The following NRL variants were observed in gnomAD, a reference collection of about 807,000 sequenced individuals.
NRL encodes the protein neural retina-specific leucine zipper protein.
NRL carries 16 observed loss-of-function variants against 12.5 expected under a neutral mutation model. The observed-to-expected ratio is 1.28, with a 90% CI of 0.87 to 1.95. The LOEUF (loss-of-function observed/expected upper bound fraction) is 1.95, where lower values mean the gene tolerates loss of function less well. NRL is among the 30% of genes most tolerant of loss of function. The pLI is 0.00. For synonymous variants in NRL, 142 were observed against 150.9 expected, an observed-to-expected ratio of 0.94 and a Z score of 0.43; for missense variants, 314 against 325.8, an observed-to-expected ratio of 0.96 and a Z score of 0.28.
Position 24,082,851 on chromosome 14 carries a change from T to C in NRL, c.-3A>G. 2 of 1,610,750 alleles carry C rather than the reference T, an allele frequency of 1.2e-6. No homozygotes were observed. Among genetic ancestry groups the C allele is most frequent in the Non-Finnish European group, 1.7e-6 (2 of 1,177,876 alleles). ...AGGGGGCTGGGGGGCAGGGCCATTCTGGAGCTGGGCTGGGAGGAGTGCACC... is the reference window on the plus strand; with the variant it reads ...AGGGGGCTGGGGGGCAGGGCCATTCCGGAGCTGGGCTGGGAGGAGTGCACC... On this transcript the variant is annotated 5_prime_UTR_variant, in exon 2 of 3. Coordinates refer to ENST00000561028, the MANE Select transcript of NRL (RefSeq NM_001354768.3).
At position 24,094,739 on chromosome 14, in the gene NRL, C is replaced by G; in HGVS notation, c.-27-11864G>C. Reference sequence around the variant, plus strand: ...CTCGCTCCTCTCTGCTGAGCCAGGTCTCCGCATATCCTCCTTTCCTTCCCA... The same window carrying G: ...CTCGCTCCTCTCTGCTGAGCCAGGTGTCCGCATATCCTCCTTTCCTTCCCA... On this transcript the variant is annotated intron_variant, in intron 1 of 2. Transcript: ENST00000561028. This position sits in a 1 kb window ranked among gnomAD's most constrained non-coding sequence, Gnocchi z 4.1. The G allele has an allele frequency of 1.4e-6, 2 of 1,479,432 alleles. No individual in the cohort carries two copies. The highest frequency in any genetic ancestry group is 1.8e-6 in the Non-Finnish European group (2 of 1,110,940). 91.6% of individuals were successfully genotyped at this position (1,479,432 alleles called of 1,614,324 possible).
chr14:24,082,890 A>G lies in NRL; in HGVS notation c.-27-15T>C, dbSNP rs1415190457. On this transcript the variant is annotated splice_polypyrimidine_tract_variant and intron_variant, in intron 1 of 2. Transcript: ENST00000561028. ...GAGGAGTGCACCTGCAAAGAGGAGG[A>G]GAGGTCTGGAGCACATGGAGGCCAC... 2 of 1,583,846 alleles carry G rather than the reference A, an allele frequency of 1.3e-6. No individual in the cohort carries two copies. Among genetic ancestry groups the G allele is most frequent in the Non-Finnish European group, 1.7e-6 (2 of 1,163,984 alleles).
chr14:24,094,489 C>G lies in NRL; in HGVS notation c.-27-11614G>C. On this transcript the variant is annotated intron_variant, in intron 1 of 2. Coordinates refer to ENST00000561028, the MANE Select transcript of NRL (RefSeq NM_001354768.3). This position sits in a 1 kb window ranked among gnomAD's most constrained non-coding sequence, Gnocchi z 4.1. ...GCACCTTCCGCTGCGCTCGCCCCCTCGGGGCTGCCAGTGGCGCTCTCCTGC... is the reference window on the plus strand; with the variant it reads ...GCACCTTCCGCTGCGCTCGCCCCCTGGGGGCTGCCAGTGGCGCTCTCCTGC... 6.7e-7 allele frequency: 1 copy of G among 1,482,042 alleles called. No homozygotes were observed. The highest frequency in any genetic ancestry group is 8.9e-7 in the Non-Finnish European group (1 of 1,123,790). The allele number at this position is 1,482,042 out of a possible 1,614,324, so 91.8% of individuals were successfully genotyped here. A position where few individuals can be genotyped will look rare whatever the true frequency, so the allele number is the denominator to read the frequency against.
At chr14:24,084,477 AG>A (rs1183899710) in intron 1 of NRL, 2 of 903,192 alleles carry the variant, frequency 2.2e-6, no homozygotes, top group African/African-American at 3.6e-5. Context: ...AGGGGGTTCT[AG>A]GTGAGCGGCC....
In NRL at chr14:24,103,237, G is replaced by A. The variant is rs2037237191; in HGVS notation, c.-28+11485C>T. ...CAGCGCCATGCGCTCTGAGTCCACT[G>A]CTGCAGCAGAACACAAAGGTGAGCA... On this transcript the variant is annotated intron_variant, in intron 1 of 2. Coordinates refer to ENST00000561028, the MANE Select transcript of NRL (RefSeq NM_001354768.3). 1.9e-6 allele frequency: 3 copies of A among 1,613,588 alleles called. No individual in the cohort carries two copies. In the South Asian group the frequency reaches 3.3e-5, roughly 18 times the overall value.
chr14:24,111,668 ATTT>A (rs1180604163), intron 1 of NRL, among the ~76,000 whole-genome samples: 2 of 151,958 alleles, frequency 1.3e-5, no homozygotes, highest in Non-Finnish European at 2.9e-5. Context: ...CGCCCGGCCA[ATTT>A]TTTTAAAAAA....
At chr14:24,088,608 G>T (rs945334953) in intron 1 of NRL, among the ~76,000 whole-genome samples, 1 of 151,566 alleles carries the variant, frequency 6.6e-6, no homozygotes, top group Non-Finnish European at 1.5e-5. Flanking sequence ...CAAGGTAGAA[G>T]AACAGAATAT....
chr14:24,098,725 C>T (rs1028350353), intron 1 of NRL: 17 of 1,524,968 alleles, frequency 1.1e-5, no homozygotes, highest in Non-Finnish European at 1.2e-5. Flanking sequence ...CCTTCTTGTA[C>T]TCAGAGGAAA....
chr14:24,101,184 T>C (rs2037146859), intron 1 of NRL, among the ~76,000 whole-genome samples: 1 of 152,222 alleles, frequency 6.6e-6, no homozygotes. Flanking sequence ...CACAGGCTAG[T>C]TCCCCAACCC....
At position 24,079,968 on chromosome 14, in the gene NRL, A is replaced by C. The variant is rs1004774741; in HGVS notation, c.*1268T>G. 6 of 151,408 alleles carry C rather than the reference A, an allele frequency of 4.0e-5. No homozygotes were observed. The highest frequency in any genetic ancestry group is 2.0e-4 in the Admixed American group (3 of 15,202). 9.4% of individuals were successfully genotyped at this position (151,408 alleles called of 1,614,324 possible). A position where few individuals can be genotyped will look rare whatever the true frequency, so the allele number is the denominator to read the frequency against. On this transcript the variant is annotated 3_prime_UTR_variant, in exon 3 of 3. Coordinates refer to ENST00000561028, the MANE Select transcript of NRL (RefSeq NM_001354768.3). ...CATCTGTTCCAATGCCTGCCCCTCCACCCCATTTCCATTGGCTCTCCATAA... is the reference window on the plus strand; with the variant it reads ...CATCTGTTCCAATGCCTGCCCCTCCCCCCCATTTCCATTGGCTCTCCATAA...
chr14:24,092,594 T>A (rs746321728), intron 1 of NRL, among the ~76,000 whole-genome samples: 2 of 152,156 alleles, frequency 1.3e-5, no homozygotes, highest in Non-Finnish European at 2.9e-5. Flanking sequence ...TTTGGATCTA[T>A]GAACTGGGGG....
chr14:24,094,487 C>A lies in NRL; in HGVS notation c.-27-11612G>T. On this transcript the variant is annotated intron_variant, in intron 1 of 2. Transcript: ENST00000561028. The surrounding 1 kb of genome is among the most constrained non-coding windows in gnomAD (Gnocchi z 4.1). ...CCGCACCTTCCGCTGCGCTCGCCCC[C>A]TCGGGGCTGCCAGTGGCGCTCTCCT... is the stretch of plus-strand genomic sequence containing the variant. 6.7e-7 allele frequency: 1 copy of A among 1,483,818 alleles called. No homozygotes were observed. The highest frequency in any genetic ancestry group is 1.3e-5 in the South Asian group (1 of 76,332). The allele number at this position is 1,483,818 out of a possible 1,614,324, so 91.9% of individuals were successfully genotyped here. A position where few individuals can be genotyped will look rare whatever the true frequency, so the allele number is the denominator to read the frequency against.
intron 2 of NRL, 86 bp downstream of exon 2, chr14:24,082,382 A>G: frequency 6.4e-7 from 1 of 1,551,726 alleles, no homozygotes; most frequent in Non-Finnish European, 8.9e-7. Flanking sequence ...CCAGTCCATA[A>G]CCCCCTCTGG....
At chr14:24,097,754 C>G (rs1013367178) in intron 1 of NRL, among the ~76,000 whole-genome samples, 7 of 151,924 alleles carry the variant, frequency 4.6e-5, no homozygotes, top group African/African-American at 1.7e-4. Context: ...CCACCACACC[C>G]AGCTGATTTT....
intron 1 of NRL, chr14:24,099,843 T>G: frequency 4.6e-6 from 7 of 1,529,888 alleles, no homozygotes; most frequent in Non-Finnish European, 6.3e-6. Flanking sequence ...CCTGCTCCAT[T>G]CCTCTGGCAG....
chr14:24,081,180 C>G lies in NRL; in HGVS notation c.*56G>C. On this transcript the variant is annotated 3_prime_UTR_variant, in exon 3 of 3. Coordinates refer to ENST00000561028, the MANE Select transcript of NRL (RefSeq NM_001354768.3). This position sits in a 1 kb window ranked among gnomAD's most constrained non-coding sequence, Gnocchi z 4.4. ...GATGCAGAGAACCGTGCAGCCGCCTCCTGGGCGGAGCCACCCCACCCAGCC... is the reference window on the plus strand; with the variant it reads ...GATGCAGAGAACCGTGCAGCCGCCTGCTGGGCGGAGCCACCCCACCCAGCC... 2.4e-6 allele frequency: 3 copies of G among 1,259,858 alleles called. No homozygotes were observed. The highest frequency in any genetic ancestry group is 3.1e-6 in the Non-Finnish European group (3 of 963,426). 78.0% of individuals were successfully genotyped at this position (1,259,858 alleles called of 1,614,324 possible).
At chr14:24,082,160 C>A (rs1380125376) in intron 2 of NRL, 2 of 768,038 alleles carry the variant, frequency 2.6e-6, no homozygotes, top group African/African-American at 1.9e-5. Flanking sequence ...TTTCCACACA[C>A]CATGTATCTG....
intron 1 of NRL, among the ~76,000 whole-genome samples, chr14:24,113,532 A>G (rs2037460221): frequency 6.6e-6 from 1 of 152,246 alleles, no homozygotes; most frequent in South Asian, 2.1e-4. Flanking sequence ...TAATCTGGCA[A>G]TAGAGGATGG....
At chr14:24,088,448 A>G (rs888144042) in intron 1 of NRL, among the ~76,000 whole-genome samples, 3 of 152,250 alleles carry the variant, frequency 2.0e-5, no homozygotes, top group African/African-American at 7.2e-5. Context: ...GGTAGGAGGC[A>G]AAGTGGGCCC....
Sources: gnomAD v4.1 joint callset for allele counts (sites outside exome capture counted in the v4.1 genomes callset) on GRCh38, gnomAD v4.1.1 for gene constraint, Gnocchi (gnomAD v3.1) non-coding constraint, MANE v1.5 for transcripts, NCBI Gene and HGNC (gene_info 2026-07-23, HGNC 2026-07-21) for gene names.